MCC: variants seen among roughly 807,000 people sequenced by gnomAD.
The protein encoded by MCC is MCC regulator of Wnt signaling pathway, also known as colorectal mutant cancer protein.
In MCC, 90 loss-of-function variants were observed where a neutral mutation model predicts 116.2. The ratio of observed to expected loss-of-function variants is 0.77; its 90% confidence interval spans 0.65 to 0.92. The LOEUF (loss-of-function observed/expected upper bound fraction) is 0.92. Ranked by LOEUF, MCC falls within the 40% of genes least tolerant of loss-of-function variation. The probability of loss-of-function intolerance (pLI) is 0.00; values close to 1 mark genes in which losing one functional copy is unlikely to be tolerated. For synonymous variants in MCC, 578 were observed against 510.5 expected, an observed-to-expected ratio of 1.13 and a Z score of -1.78; for missense variants, 1,516 against 1,312.2, an observed-to-expected ratio of 1.16 and a Z score of -2.40.
intron 3 of MCC, among the ~76,000 whole-genome samples, chr5:113,224,848 T>G (rs1013123319): frequency 2.6e-5 from 4 of 152,160 alleles, no homozygotes; most frequent in African/African-American, 9.7e-5. Context: ...CGAAAATGAC[T>G]CCTTAGGAAA....
intron 3 of MCC, among the ~76,000 whole-genome samples, chr5:113,225,332 G>A (rs1005729385): frequency 6.6e-6 from 1 of 152,148 alleles, no homozygotes; most frequent in Admixed American, 6.5e-5. Flanking sequence ...AATCCACCCA[G>A]GCAGTCATCA....
At chr5:113,241,413 C>CCTA (rs1764361892) in intron 3 of MCC, among the ~76,000 whole-genome samples, 1 of 152,146 alleles carries the variant, frequency 6.6e-6, no homozygotes, top group Non-Finnish European at 1.5e-5. Context: ...GCCTAAAGAA[C>CCTA]CTACGGAGGA....
intron 8 of MCC, among the ~76,000 whole-genome samples, chr5:113,088,076 G>A (rs140245597): frequency 5.9e-5 from 9 of 151,926 alleles, no homozygotes; most frequent in Admixed American, 3.3e-4. Flanking sequence ...TAAAAACTTC[G>A]GACCCAGAGA....
intron 3 of MCC, among the ~76,000 whole-genome samples, chr5:113,300,402 C>CT (rs1766833462): frequency 6.6e-6 from 1 of 152,180 alleles, no homozygotes; most frequent in Non-Finnish European, 1.5e-5. Flanking sequence ...AAACAAAACG[C>CT]TGATACCTCA....
At chr5:113,055,204 C>T (rs1752753582) in intron 14 of MCC, among the ~76,000 whole-genome samples, 2 of 152,174 alleles carry the variant, frequency 1.3e-5, no homozygotes, top group Admixed American at 6.5e-5. Context: ...AGACTTGGGC[C>T]GCAGCCTCGT....
In MCC at chr5:113,206,845, C is replaced by T. The variant is rs150044575; in HGVS notation, c.628-55423G>A. On this transcript the variant is annotated intron_variant, in intron 3 of 18. Transcript: ENST00000408903. ...TATTTGTATAACCCCTTACAGTTTT[C>T]GTAAGCTTTCCCTCATTTGATCATG... Among the ~76,000 whole-genome samples, 217 of 152,278 alleles carry T rather than the reference C, an allele frequency of 1.4e-3. 4 individuals carry two copies. Among genetic ancestry groups the T allele is most frequent in the Middle Eastern group, 0.014 (4 of 294 alleles).
chr5:113,328,311 A>C (rs1303754199), intron 3 of MCC, among the ~76,000 whole-genome samples: 1 of 152,232 alleles, frequency 6.6e-6, no homozygotes, highest in Non-Finnish European at 1.5e-5. Context: ...TAATCGTAGG[A>C]ACACATTAAT....
At chr5:113,222,054 G>C (rs1365469853) in intron 3 of MCC, among the ~76,000 whole-genome samples, 1 of 152,142 alleles carries the variant, frequency 6.6e-6, no homozygotes, top group African/African-American at 2.4e-5. Context: ...TTTTTTCATA[G>C]CTTTCTGGTG....
chr5:113,263,996 G>T (rs1009543420), intron 3 of MCC, among the ~76,000 whole-genome samples: 1 of 151,602 alleles, frequency 6.6e-6, no homozygotes, highest in African/African-American at 2.4e-5. Flanking sequence ...CCTAAGTCAC[G>T]CATCTCATCT....
chr5:113,244,373 T>C (rs1001498745), intron 3 of MCC, among the ~76,000 whole-genome samples: 5 of 152,260 alleles, frequency 3.3e-5, no homozygotes, highest in African/African-American at 1.2e-4. Context: ...GATCTTCCAA[T>C]AGCTAACACT....
chr5:113,098,150 C>T (rs1365870743), intron 8 of MCC, among the ~76,000 whole-genome samples: 1 of 152,174 alleles, frequency 6.6e-6, no homozygotes, highest in Admixed American at 6.5e-5. Flanking sequence ...ATCAAGTTTG[C>T]TTTGCCAAAC....
intron 1 of MCC, among the ~76,000 whole-genome samples, chr5:113,480,332 T>TA (rs1772346364): frequency 1.3e-5 from 2 of 152,230 alleles, no homozygotes; most frequent in Non-Finnish European, 2.9e-5. Flanking sequence ...AATAACACAG[T>TA]ACATGGAACA....
intron 3 of MCC, among the ~76,000 whole-genome samples, chr5:113,250,425 C>T: frequency 6.6e-6 from 1 of 152,240 alleles, no homozygotes; most frequent in Non-Finnish European, 1.5e-5. Flanking sequence ...TAACATGACG[C>T]AGGCAGAGCT....
intron 2 of MCC, among the ~76,000 whole-genome samples, chr5:113,370,682 A>G (rs1768816764): frequency 6.6e-6 from 1 of 152,182 alleles, no homozygotes; most frequent in Admixed American, 6.5e-5. Context: ...AAATCACTTA[A>G]AATTTAGTCA....
intron 1 of MCC, among the ~76,000 whole-genome samples, chr5:113,457,036 C>A (rs1351138535): frequency 6.6e-6 from 1 of 152,242 alleles, no homozygotes; most frequent in African/African-American, 2.4e-5. Flanking sequence ...TGGGCTCCCA[C>A]TTTGGTGGCA....
chr5:113,217,832 G>C (rs959150835), intron 3 of MCC, among the ~76,000 whole-genome samples: 2 of 151,994 alleles, frequency 1.3e-5, no homozygotes, highest in Non-Finnish European at 2.9e-5. Flanking sequence ...TCTAATCCCA[G>C]GAGACAAGAG....
At chr5:113,029,744 C>T (rs1750825962) in intron 17 of MCC, among the ~76,000 whole-genome samples, 1 of 152,182 alleles carries the variant, frequency 6.6e-6, no homozygotes, top group African/African-American at 2.4e-5. Flanking sequence ...TCCTCTAATT[C>T]CCACAAGACC....
intron 3 of MCC, among the ~76,000 whole-genome samples, chr5:113,326,666 T>C (rs76031629): frequency 1.8e-3 from 276 of 152,370 alleles, no homozygotes; most frequent in African/African-American, 6.5e-3. Context: ...AAGTTTATAA[T>C]GAATTTTCAA....
chr5:113,462,425 A>C (rs1172839618), intron 1 of MCC, among the ~76,000 whole-genome samples: 2 of 152,248 alleles, frequency 1.3e-5, no homozygotes, highest in Non-Finnish European at 2.9e-5. Flanking sequence ...AGCCTCCAGA[A>C]AGTGGATTTC....
Sources: gnomAD v4.1 joint callset for allele counts (sites outside exome capture counted in the v4.1 genomes callset) on GRCh38, gnomAD v4.1.1 for gene constraint, MANE v1.5 for transcripts, NCBI Gene and HGNC (gene_info 2026-07-23, HGNC 2026-07-21) for gene names.